The following ATP6V1C2 variants were observed in gnomAD, a reference collection of about 807,000 sequenced individuals.
ATP6V1C2 encodes ATPase H+ transporting V1 subunit C2.
ATP6V1C2 carries 45 observed loss-of-function variants against 56.8 expected under a neutral mutation model. That is an observed-to-expected ratio of 0.79 (90% CI 0.62 to 1.02). The LOEUF (loss-of-function observed/expected upper bound fraction) is 1.02, where lower values mean the gene tolerates loss of function less well. Ranked by LOEUF, ATP6V1C2 falls within the 50% of genes least tolerant of loss-of-function variation. ATP6V1C2 has a pLI of 0.00. For missense variants in ATP6V1C2, 463 were observed against 519.7 expected (o/e 0.89, Z 1.06); for synonymous variants, 220 against 201.3 (o/e 1.09, Z -0.79).
At chr2:10,779,070 CA>C (rs1193912636) in intron 12 of ATP6V1C2, among the ~76,000 whole-genome samples, 3 of 151,946 alleles carry the variant, frequency 2.0e-5, no homozygotes, top group Non-Finnish European at 4.4e-5. Context: ...GAGAGAAAAC[CA>C]AAACCACACC....
chr2:10,746,185 A>C (rs1188658433), intron 3 of ATP6V1C2, among the ~76,000 whole-genome samples: 1 of 152,020 alleles, frequency 6.6e-6, no homozygotes, highest in Non-Finnish European at 1.5e-5. Flanking sequence ...TTTTTAGTAG[A>C]GATGAGGTTT....
intron 3 of ATP6V1C2, among the ~76,000 whole-genome samples, chr2:10,749,973 CTG>C (rs548088714): frequency 1.0e-3 from 153 of 152,282 alleles, no homozygotes; most frequent in African/African-American, 3.6e-3. Context: ...TCACAACAAA[CTG>C]TGGAGTGAAA....
In ATP6V1C2 at chr2:10,783,279, C is replaced by CCT. The variant is rs774782115; in HGVS notation, c.*19_*20dup. 49 of 1,558,734 alleles carry CCT rather than the reference C, an allele frequency of 3.1e-5. No homozygotes were observed. Among genetic ancestry groups the CCT allele is most frequent in the Admixed American group, 1.0e-4 (6 of 59,910 alleles). On this transcript the variant is annotated 3_prime_UTR_variant, in exon 14 of 14. Transcript: ENST00000272238. ...TCTTGACTAGAAAGGCCAGCTGGCACCTCTGTCTCATGTTCGTGCAGATTA... is the reference window on the plus strand; with the variant it reads ...TCTTGACTAGAAAGGCCAGCTGGCACCTCTCTGTCTCATGTTCGTGCAGATTA...
chr2:10,736,045 C>G (rs913792853), intron 3 of ATP6V1C2, among the ~76,000 whole-genome samples: 2 of 152,158 alleles, frequency 1.3e-5, no homozygotes, highest in Non-Finnish European at 2.9e-5. Flanking sequence ...TCACGGCTCT[C>G]AAACTTGAGT....
chr2:10,735,496 G>A (rs368147343), intron 3 of ATP6V1C2, among the ~76,000 whole-genome samples: 6 of 152,106 alleles, frequency 3.9e-5, no homozygotes, highest in Non-Finnish European at 7.4e-5. Flanking sequence ...AATTACCCAC[G>A]TGGCTTGAAT....
chr2:10,752,829 C>G (rs1413974317), intron 3 of ATP6V1C2, among the ~76,000 whole-genome samples: 1 of 152,064 alleles, frequency 6.6e-6, no homozygotes, highest in African/African-American at 2.4e-5. Context: ...AACCCCGTCT[C>G]TACTAAAAAT....
intron 3 of ATP6V1C2, among the ~76,000 whole-genome samples, chr2:10,727,828 G>C (rs932754356): frequency 6.6e-6 from 1 of 151,880 alleles, no homozygotes; most frequent in Non-Finnish European, 1.5e-5. Context: ...GAGCGGGGGA[G>C]GGGGGATGGG....
chr2:10,740,481 A>G (rs150185847), intron 3 of ATP6V1C2, among the ~76,000 whole-genome samples: 1,639 of 152,138 alleles, frequency 0.011, 32 homozygotes, highest in African/African-American at 0.037. Flanking sequence ...AAGGACCTGC[A>G]ATTGTTCTCA....
At chr2:10,728,359 C>T (rs1052471314) in intron 3 of ATP6V1C2, among the ~76,000 whole-genome samples, 4 of 152,184 alleles carry the variant, frequency 2.6e-5, no homozygotes, top group Non-Finnish European at 5.9e-5. Flanking sequence ...GTTGGGATTA[C>T]AGATGTGACT....
chr2:10,769,253 C>A (rs1664433785), intron 6 of ATP6V1C2, among the ~76,000 whole-genome samples: 1 of 152,206 alleles, frequency 6.6e-6, no homozygotes, highest in Non-Finnish European at 1.5e-5. Context: ...CCTTCTCCAC[C>A]CACCTGAAGA....
At chr2:10,742,022 G>C (rs1418571813) in intron 3 of ATP6V1C2, among the ~76,000 whole-genome samples, 2 of 151,962 alleles carry the variant, frequency 1.3e-5, no homozygotes, top group Admixed American at 1.3e-4. Flanking sequence ...TGGTTCTCCT[G>C]CCTCAGCCTC....
At chr2:10,781,444 C>T (rs1228642841) in intron 12 of ATP6V1C2, among the ~76,000 whole-genome samples, 4 of 151,934 alleles carry the variant, frequency 2.6e-5, no homozygotes, top group African/African-American at 4.8e-5. Flanking sequence ...CACCATTGCA[C>T]TCCAGCCTGC....
chr2:10,737,763 G>A (rs1286455387), intron 3 of ATP6V1C2, among the ~76,000 whole-genome samples: 1 of 152,088 alleles, frequency 6.6e-6, no homozygotes, highest in East Asian at 1.9e-4. Flanking sequence ...AATCTCTCTC[G>A]GCTCACTGCA....
intron 2 of ATP6V1C2, among the ~76,000 whole-genome samples, chr2:10,726,295 A>G (rs1221071599): frequency 1.3e-5 from 2 of 152,224 alleles, no homozygotes; most frequent in African/African-American, 4.8e-5. Context: ...GGCATATGAC[A>G]GTTTATCCTG....
At chr2:10,777,753 C>T (rs1665092289) in intron 11 of ATP6V1C2, 31 bp downstream of exon 11, 1 of 1,587,540 alleles carries the variant, frequency 6.3e-7, no homozygotes, top group Admixed American at 1.9e-5. Context: ...CCCGGGGTCC[C>T]TGGCTCACAT....
chr2:10,754,563 TTTTCTTTTCTTTTCTTTTC>T, intron 4 of ATP6V1C2, among the ~76,000 whole-genome samples: 1 of 99,666 alleles, frequency 1.0e-5, no homozygotes, highest in Admixed American at 1.3e-4. Context: ...TTTTCTTTTC[TTTTCTTTTCTTTTCTTTTC>T]TTTTTTTTTG....
In ATP6V1C2 at chr2:10,782,258, G is replaced by A. The variant is rs771577716; in HGVS notation, c.1077G>A (p.Val359=). The A allele has an allele frequency of 6.2e-7, 1 of 1,614,156 alleles. No homozygotes were observed. Among genetic ancestry groups the A allele is most frequent in the South Asian group, 1.1e-5 (1 of 91,080 alleles). The change falls in exon 13 of 14, where the codon GTG becomes GTA. Residue 359 remains valine (V), a synonymous_variant. Transcript: ENST00000272238. ...VESVLRYGLP[V]NFQAVLLQPH... Reference sequence around the variant, plus strand: ...ATCTGAAAAGGTATGGACTACCAGTGAACTTCCAGGCAGTGCTCCTGCAGC... The same window carrying A: ...ATCTGAAAAGGTATGGACTACCAGTAAACTTCCAGGCAGTGCTCCTGCAGC...
At chr2:10,772,037 C>T in intron 7 of ATP6V1C2, 100 bp downstream of exon 7, 5 of 976,994 alleles carry the variant, frequency 5.1e-6, no homozygotes, top group Non-Finnish European at 8.1e-6. Context: ...TGCTCCCTGC[C>T]CAGCCCCAGT....
At chr2:10,728,774 CAAAAAA>C (rs370117201) in intron 3 of ATP6V1C2, among the ~76,000 whole-genome samples, 5 of 74,268 alleles carry the variant, frequency 6.7e-5, no homozygotes, top group Admixed American at 4.0e-4. Flanking sequence ...CACCCTGTCT[CAAAAAA>C]AAAAAAAAAA....
Sources: allele counts gnomAD v4.1 joint callset (sites outside exome capture counted in the v4.1 genomes callset), GRCh38; gene constraint gnomAD v4.1.1; transcripts MANE v1.5; gene names NCBI Gene and HGNC (gene_info 2026-07-23, HGNC 2026-07-21).